P2RY14: variants seen among roughly 807,000 people sequenced by gnomAD.
The protein encoded by P2RY14 is P2Y purinoceptor 14.
Under a neutral mutation model 0.9 loss-of-function variants are expected in P2RY14, and 2 were observed. The ratio of observed to expected loss-of-function variants is 2.16; its 90% CI spans 0.88 to 6.79. The LOEUF is 6.79. Among genes scored for constraint, P2RY14 ranks in the 30% most tolerant of loss-of-function variants. The pLI, the probability that P2RY14 is intolerant of heterozygous loss-of-function variation, is 0.05. For synonymous variants in P2RY14, 158 were observed against 147.2 expected (o/e 1.07, Z -0.53); for missense variants, 378 against 400.1 (o/e 0.94, Z 0.47).
chr3:151,245,628 TAAG>T (rs1167926945), intron 1 of P2RY14, among the ~76,000 whole-genome samples: 1 of 148,874 alleles, frequency 6.7e-6, no homozygotes, highest in African/African-American at 2.5e-5. Context: ...TTCAAAATAA[TAAG>T]AGCTATCTAT....
intron 1 of P2RY14, among the ~76,000 whole-genome samples, chr3:151,265,499 C>G (rs1242265308): frequency 1.3e-5 from 2 of 152,126 alleles, no homozygotes; most frequent in African/African-American, 4.8e-5. Flanking sequence ...TTCTCAACTG[C>G]CCACTTGCCG....
chr3:151,270,430 A>T (rs932664468), intron 1 of P2RY14, among the ~76,000 whole-genome samples: 1 of 151,760 alleles, frequency 6.6e-6, no homozygotes, highest in South Asian at 2.1e-4. Context: ...ATACCACTGA[A>T]CTCTCTGGGG....
At chr3:151,272,992 C>G (rs1741234002) in intron 1 of P2RY14, among the ~76,000 whole-genome samples, 1 of 152,024 alleles carries the variant, frequency 6.6e-6, no homozygotes, top group Non-Finnish European at 1.5e-5. Flanking sequence ...ACATGACTCT[C>G]AAAAGAAATG....
At chr3:151,277,016 C>T (rs762647277) in intron 1 of P2RY14, among the ~76,000 whole-genome samples, 3 of 152,204 alleles carry the variant, frequency 2.0e-5, no homozygotes, top group Non-Finnish European at 4.4e-5. Flanking sequence ...CCTGCCTCAG[C>T]CTCCTGAGTA....
chr3:151,237,065 T>TTTTC, intron 1 of P2RY14, among the ~76,000 whole-genome samples: 1 of 150,980 alleles, frequency 6.6e-6, no homozygotes, highest in African/African-American at 2.4e-5. Context: ...TTTTTTTTTT[T>TTTTC]TGAGACGGAA....
intron 1 of P2RY14, among the ~76,000 whole-genome samples, chr3:151,261,063 G>GT (rs1331132963): frequency 6.6e-6 from 1 of 151,988 alleles, no homozygotes. Flanking sequence ...ATCGGCTTTT[G>GT]TTTTTTTGGA....
At chr3:151,238,352 G>C (rs944673326) in intron 1 of P2RY14, among the ~76,000 whole-genome samples, 8 of 152,122 alleles carry the variant, frequency 5.3e-5, no homozygotes, top group African/African-American at 1.9e-4. Flanking sequence ...TCACCTTGTT[G>C]GTCAGGCTGG....
At chr3:151,228,399 C>T (rs546057457) in intron 1 of P2RY14, among the ~76,000 whole-genome samples, 24 of 152,228 alleles carry the variant, frequency 1.6e-4, no homozygotes, top group Admixed American at 9.8e-4. Context: ...GGGAACATTG[C>T]GCGTACAGGG....
Position 151,252,994 on chromosome 3 carries a change from C to A in P2RY14, c.-133+25293G>T, listed in dbSNP as rs140083593. 9.3e-3 allele frequency among the ~76,000 whole-genome samples: 1,417 copies of A among 151,884 alleles called. 21 individuals carry two copies. Among genetic ancestry groups the A allele is most frequent in the African/African-American group, 0.032 (1,318 of 41,370 alleles). On this transcript the variant is annotated intron_variant, in intron 1 of 2. Transcript: ENST00000309170. The stretch of plus-strand genomic sequence containing the variant: ...GAATATTTATTTTAAGGGAACTTGC[C>A]CTTAAAATAAATATTACATGTCGTG...
chr3:151,232,316 G>C (rs1011876952), intron 1 of P2RY14, among the ~76,000 whole-genome samples: 1 of 152,156 alleles, frequency 6.6e-6, no homozygotes, highest in Non-Finnish European at 1.5e-5. Flanking sequence ...CCAATGTGTG[G>C]AAGTGTTCTC....
chr3:151,245,317 CAA>C (rs1559930285), intron 1 of P2RY14, among the ~76,000 whole-genome samples: 3 of 150,026 alleles, frequency 2.0e-5, no homozygotes, highest in Non-Finnish European at 3.0e-5. Flanking sequence ...ACACAACCAA[CAA>C]AGAGAATTTT....
chr3:151,230,922 C>T lies in P2RY14; in HGVS notation c.-132-11280G>A, dbSNP rs866725077. Among the ~76,000 whole-genome samples the T allele has an allele frequency of 2.6e-5, 4 of 152,026 alleles. No homozygotes were observed. The South Asian group carries it at 6.2e-4, about 24-fold the overall frequency. On this transcript the variant is annotated intron_variant, in intron 1 of 2. Coordinates refer to ENST00000309170, the MANE Select transcript of P2RY14 (RefSeq NM_014879.4). ...CTCCTTAAGAGAAATTACTGATTTC[C>T]GATCAGGTACAGGAAAAGTATAAGT...
At position 151,213,538 on chromosome 3, in the gene P2RY14, T is replaced by C. The variant is rs771639317; in HGVS notation, c.779A>G (p.Gln260Arg). Reference protein sequence around the residue: ...HIARIPYTKSQTEAHYSCQSK... With the variant: ...HIARIPYTKSRTEAHYSCQSK... ...CTGGCAGCTGTAATGAGCTTCGGTC[T>C]GACTCTTTGTGTAGGGGATTCTGGC... Residue 260 changes from glutamine to arginine, a missense_variant, in exon 3 of 3, where the codon CAG becomes CGG. Physicochemically the swap from Gln to Arg is conservative, Grantham distance 43. Coordinates refer to ENST00000309170, the MANE Select transcript of P2RY14 (RefSeq NM_014879.4). 7 of 1,614,212 alleles carry C rather than the reference T, an allele frequency of 4.3e-6. No homozygotes were observed. In the Admixed American group the frequency reaches 1.2e-4, roughly 27 times the overall value.
chr3:151,265,351 C>T (rs1312365596), intron 1 of P2RY14, among the ~76,000 whole-genome samples: 1 of 152,200 alleles, frequency 6.6e-6, no homozygotes, highest in Non-Finnish European at 1.5e-5. Flanking sequence ...TTTTTCCCAG[C>T]ACAGACGTGG....
intron 1 of P2RY14, among the ~76,000 whole-genome samples, chr3:151,249,352 C>T (rs1273570332): frequency 6.6e-6 from 1 of 152,166 alleles, no homozygotes. Flanking sequence ...TGGTTTCAAA[C>T]TAATTCCTTG....
At chr3:151,275,153 G>A (rs976162487) in intron 1 of P2RY14, among the ~76,000 whole-genome samples, 1 of 152,114 alleles carries the variant, frequency 6.6e-6, no homozygotes, top group African/African-American at 2.4e-5. Flanking sequence ...GAGGCTATAA[G>A]TGATGTGATG....
At chr3:151,263,197 C>G (rs996870847) in intron 1 of P2RY14, among the ~76,000 whole-genome samples, 1 of 152,072 alleles carries the variant, frequency 6.6e-6, no homozygotes, top group Non-Finnish European at 1.5e-5. Context: ...TGGCCCAGCA[C>G]CCTTTAGTGA....
At position 151,212,611 on chromosome 3, in the gene P2RY14, T is replaced by G. The variant is rs941202765; in HGVS notation, c.*689A>C. 2 of 152,116 alleles carry G rather than the reference T, an allele frequency of 1.3e-5. No individual in the cohort carries two copies. Among genetic ancestry groups the G allele is most frequent in the African/African-American group, 4.8e-5 (2 of 41,424 alleles). The allele number at this position is 152,116 out of a possible 1,614,324, so 9.4% of individuals were successfully genotyped here. ...TCTAACACCAGAACCCCAGGCTCAT[T>G]AAATGACGTAAGTCTTTGTAGAAAA... On this transcript the variant is annotated 3_prime_UTR_variant, in exon 3 of 3. Transcript: ENST00000309170.
At chr3:151,225,074 A>G (rs139240382) in intron 1 of P2RY14, among the ~76,000 whole-genome samples, 2 of 152,274 alleles carry the variant, frequency 1.3e-5, no homozygotes, top group Non-Finnish European at 2.9e-5. Context: ...AGAGCTGGAT[A>G]TTTTAGAACT....
Sources: gnomAD v4.1 joint callset for allele counts (sites outside exome capture counted in the v4.1 genomes callset) on GRCh38, gnomAD v4.1.1 for gene constraint, MANE v1.5 for transcripts, NCBI Gene and HGNC (gene_info 2026-07-23, HGNC 2026-07-21) for gene names.